Variants in BMPR1A observed in about 807,000 individuals in gnomAD.
The protein encoded by BMPR1A is bone morphogenetic protein receptor type-1A.
In BMPR1A, 7 loss-of-function variants were observed where a neutral mutation model predicts 66.0. That is an observed-to-expected ratio of 0.11 (90% CI 0.06 to 0.20). The LOEUF is 0.20. Ranked by LOEUF, BMPR1A falls within the 10% of genes least tolerant of loss-of-function variation. BMPR1A has a pLI of 1.00. For missense variants in BMPR1A, 408 were observed against 669.1 expected, an observed-to-expected ratio of 0.61 and a Z score of 4.31; for synonymous variants, 200 against 229.7, an observed-to-expected ratio of 0.87 and a Z score of 1.17.
At chr10:86,856,813 T>A (rs1282951981) in intron 2 of BMPR1A, among the ~76,000 whole-genome samples, 1 of 152,160 alleles carries the variant, frequency 6.6e-6, no homozygotes, top group African/African-American at 2.4e-5. Context: ...TTATTCCGAT[T>A]AACTGGCTGC....
At chr10:86,922,526 A>G (rs1459592742) in intron 11 of BMPR1A, among the ~76,000 whole-genome samples, 2 of 152,224 alleles carry the variant, frequency 1.3e-5, no homozygotes, top group Non-Finnish European at 2.9e-5. Context: ...AGGACTCGGC[A>G]TGTGGTTGTC....
intron 2 of BMPR1A, among the ~76,000 whole-genome samples, chr10:86,864,085 A>G (rs145189245): frequency 5.3e-5 from 8 of 152,354 alleles, no homozygotes; most frequent in African/African-American, 1.7e-4. Flanking sequence ...GTAATGAAGT[A>G]TGATACCCTT....
intron 3 of BMPR1A, among the ~76,000 whole-genome samples, chr10:86,883,027 GT>G (rs1262491520): frequency 6.6e-6 from 1 of 152,082 alleles, no homozygotes; most frequent in Non-Finnish European, 1.5e-5. Context: ...TCAAGCATAT[GT>G]CTAAGTAGAG....
chr10:86,911,624 C>T (rs1336361999), intron 7 of BMPR1A, among the ~76,000 whole-genome samples: 1 of 152,064 alleles, frequency 6.6e-6, no homozygotes, highest in African/African-American at 2.4e-5. Flanking sequence ...GTGGCACGTA[C>T]CTGTAGTCCC....
intron 1 of BMPR1A, 136 bp downstream of exon 1, chr10:86,757,055 C>T (rs2132555906): frequency 6.6e-6 from 1 of 150,770 alleles, no homozygotes; most frequent in South Asian, 2.1e-4. Flanking sequence ...CCCGGCAGCT[C>T]CGCAGGCCTC....
At chr10:86,834,587 A>G (rs1030545940) in intron 1 of BMPR1A, among the ~76,000 whole-genome samples, 4 of 152,208 alleles carry the variant, frequency 2.6e-5, no homozygotes, top group Non-Finnish European at 5.9e-5. Flanking sequence ...TCAACCTTAT[A>G]TTCAATTTAT....
At chr10:86,794,956 G>C (rs187944632) in intron 1 of BMPR1A, among the ~76,000 whole-genome samples, 1 of 151,552 alleles carries the variant, frequency 6.6e-6, no homozygotes, top group Non-Finnish European at 1.5e-5. Flanking sequence ...GGTTCAAGCA[G>C]TTCTCCTGCC....
intron 4 of BMPR1A, 149 bp from the exon 5 acceptor site, chr10:86,891,978 G>C: frequency 1.5e-6 from 1 of 663,602 alleles, no homozygotes; most frequent in Non-Finnish European, 2.7e-6. Context: ...AACCTCTGGC[G>C]TTGCCAATAA....
intron 7 of BMPR1A, among the ~76,000 whole-genome samples, chr10:86,911,931 T>C (rs1304824185): frequency 1.3e-5 from 2 of 152,166 alleles, no homozygotes; most frequent in Non-Finnish European, 2.9e-5. Flanking sequence ...GGTTGGAATG[T>C]AAGGAAATGT....
At chr10:86,815,465 G>A (rs374145863) in intron 1 of BMPR1A, among the ~76,000 whole-genome samples, 3 of 152,072 alleles carry the variant, frequency 2.0e-5, no homozygotes, top group Non-Finnish European at 4.4e-5. Flanking sequence ...CAACCCTTAC[G>A]CTATAGGCCC....
intron 1 of BMPR1A, among the ~76,000 whole-genome samples, chr10:86,787,155 A>G (rs7916927): frequency 0.28 from 42,279 of 151,918 alleles, 7,398 homozygotes; most frequent in East Asian, 0.72. Flanking sequence ...AGTACAATCA[A>G]TGATAATCAA....
Position 86,860,384 on chromosome 10 carries a change from A to G in BMPR1A, c.-152-15483A>G, listed in dbSNP as rs367822856. ...GTAAGGCAATGCTATATGTTACTTA[A>G]CAATCCTTTCTTTGAAATAAAAGGC... On this transcript the variant is annotated intron_variant, in intron 2 of 12. Coordinates refer to ENST00000372037, the MANE Select transcript of BMPR1A (RefSeq NM_004329.3). Among the ~76,000 whole-genome samples the G allele has an allele frequency of 3.3e-5, 5 of 152,328 alleles. No homozygotes were observed. The East Asian group carries it at 7.7e-4, about 23-fold the overall frequency.
chr10:86,839,452 G>A (rs1842395065), intron 2 of BMPR1A, among the ~76,000 whole-genome samples: 1 of 152,018 alleles, frequency 6.6e-6, no homozygotes, highest in Non-Finnish European at 1.5e-5. Flanking sequence ...AATTAGCTGA[G>A]CATGATGGCC....
intron 7 of BMPR1A, among the ~76,000 whole-genome samples, chr10:86,904,505 T>C (rs1400974242): frequency 2.6e-5 from 4 of 152,100 alleles, no homozygotes; most frequent in African/African-American, 9.7e-5. Flanking sequence ...AGAGAAAATA[T>C]CCTTCAAAAA....
At chr10:86,796,749 T>A (rs1841717568) in intron 1 of BMPR1A, among the ~76,000 whole-genome samples, 1 of 151,950 alleles carries the variant, frequency 6.6e-6, no homozygotes, top group Admixed American at 6.6e-5. Flanking sequence ...ATTTTTGTAT[T>A]TTTTGTAGAG....
chr10:86,869,176 G>T (rs1019224703), intron 2 of BMPR1A, among the ~76,000 whole-genome samples: 1 of 152,118 alleles, frequency 6.6e-6, no homozygotes, highest in African/African-American at 2.4e-5. Context: ...AATGATTGTG[G>T]CCAGGCACGG....
chr10:86,781,857 C>CTTTTTTTTT (rs1162095658), intron 1 of BMPR1A, among the ~76,000 whole-genome samples: 12 of 84,238 alleles, frequency 1.4e-4, no homozygotes, highest in South Asian at 4.9e-4. Context: ...GACAGGATTT[C>CTTTTTTTTT]TTTTTTTTTT....
In BMPR1A at chr10:86,840,474, C is replaced by A. The variant is rs553743918; in HGVS notation, c.-153+1495C>A. Reference sequence around the variant, plus strand: ...TCCTTGACCTTTTTTCCTTCCCCTCCTACTCTTAAATAATAATGACCTTCC... The same window carrying A: ...TCCTTGACCTTTTTTCCTTCCCCTCATACTCTTAAATAATAATGACCTTCC... On this transcript the variant is annotated intron_variant, in intron 2 of 12. Transcript: ENST00000372037. Among the ~76,000 whole-genome samples, 11 of 152,174 alleles carry A rather than the reference C, an allele frequency of 7.2e-5. No homozygotes were observed. In the South Asian group the frequency reaches 1.9e-3, roughly 26 times the overall value.
At chr10:86,760,232 C>CTT (rs1841024648) in intron 1 of BMPR1A, among the ~76,000 whole-genome samples, 1 of 21,080 alleles carries the variant, frequency 4.7e-5, no homozygotes, top group Admixed American at 7.1e-4. Context: ...TTTTTTCTTT[C>CTT]TTTCTTTCTT....
Sources: gnomAD v4.1 joint callset for allele counts (sites outside exome capture counted in the v4.1 genomes callset) on GRCh38, gnomAD v4.1.1 for gene constraint, MANE v1.5 for transcripts, NCBI Gene and HGNC (gene_info 2026-07-23, HGNC 2026-07-21) for gene names.